PDE4D: variants seen among roughly 807,000 people sequenced by gnomAD.
PDE4D encodes the protein phosphodiesterase 4D.
PDE4D carries 24 observed loss-of-function variants against 87.4 expected under a neutral mutation model. The observed-to-expected ratio is 0.27, with a 90% confidence interval of 0.20 to 0.39. The LOEUF is 0.39. Ranked by LOEUF, PDE4D falls within the 10% of genes least tolerant of loss-of-function variation. PDE4D has a pLI of 1.00. For synonymous variants in PDE4D, 384 were observed against 383.2 expected (o/e 1.00, Z -0.02); for missense variants, 714 against 1,041.0 (o/e 0.69, Z 4.32).
chr5:59,033,789 G>A (rs1430806535), intron 6 of PDE4D, among the ~76,000 whole-genome samples: 2 of 151,920 alleles, frequency 1.3e-5, no homozygotes, highest in Non-Finnish European at 2.9e-5. Context: ...CTCTCAGACA[G>A]AAGTTACCAC....
In PDE4D at chr5:58,973,180, A is replaced by T. The variant is rs1162838332; in HGVS notation, c.*1484T>A. Reference sequence around the variant, plus strand: ...TTGTTAATATATTGTTAATATTCTTAAAAACTGCCTAGTTGGCTGTTTAAC... The same window carrying T: ...TTGTTAATATATTGTTAATATTCTTTAAAACTGCCTAGTTGGCTGTTTAAC... On this transcript the variant is annotated 3_prime_UTR_variant, in exon 15 of 15. Coordinates refer to ENST00000340635, the MANE Select transcript of PDE4D (RefSeq NM_001104631.2). The T allele has an allele frequency of 6.6e-6, 1 of 152,084 alleles. No homozygotes were observed. The highest frequency in any genetic ancestry group is 1.5e-5 in the Non-Finnish European group (1 of 68,038). The allele number at this position is 152,084 out of a possible 1,614,324, so 9.4% of individuals were successfully genotyped here. A position where few individuals can be genotyped will look rare whatever the true frequency, so the allele number is the denominator to read the frequency against.
intron 11 of PDE4D, among the ~76,000 whole-genome samples, chr5:58,984,504 A>G (rs1745961292): frequency 1.3e-5 from 2 of 152,252 alleles, no homozygotes; most frequent in Admixed American, 1.3e-4. Context: ...ACATTTGATA[A>G]ACATGAATTT....
intron 1 of PDE4D, among the ~76,000 whole-genome samples, chr5:59,488,187 AAT>A (rs1430214560): frequency 6.9e-6 from 1 of 144,220 alleles, no homozygotes; most frequent in African/African-American, 2.6e-5. Flanking sequence ...AAAAAAAAAA[AAT>A]GTGTAACTGT....
rs137916104 is a variant in PDE4D, at chr5:59,111,919, C to T, written c.808+68676G>A. ...TATCTGTATCAGTGAACAAAATAGGCGAAGATTGTTCCACATGGTAGTTTC... is the reference window on the plus strand; with the variant it reads ...TATCTGTATCAGTGAACAAAATAGGTGAAGATTGTTCCACATGGTAGTTTC... On this transcript the variant is annotated intron_variant, in intron 5 of 14. Coordinates refer to ENST00000340635, the MANE Select transcript of PDE4D (RefSeq NM_001104631.2). 7.9e-3 allele frequency among the ~76,000 whole-genome samples: 1,198 copies of T among 152,026 alleles called. 8 individuals are homozygous for T. Among genetic ancestry groups the T allele is most frequent in the Middle Eastern group, 0.024 (7 of 294 alleles).
intron 1 of PDE4D, among the ~76,000 whole-genome samples, chr5:59,426,389 A>G (rs553799439): frequency 2.6e-5 from 4 of 152,254 alleles, no homozygotes; most frequent in South Asian, 2.1e-4. Flanking sequence ...CTTCACTCAC[A>G]CTTACTGTAT....
At chr5:59,408,475 G>A (rs1792088901) in intron 1 of PDE4D, among the ~76,000 whole-genome samples, 1 of 152,218 alleles carries the variant, frequency 6.6e-6, no homozygotes, top group Middle Eastern at 3.2e-3. Flanking sequence ...AGGTAGTGCA[G>A]AAGGGAATAT....
intron 5 of PDE4D, among the ~76,000 whole-genome samples, chr5:59,139,527 G>A (rs532385222): frequency 1.3e-5 from 2 of 152,226 alleles, no homozygotes; most frequent in South Asian, 2.1e-4. Context: ...TCTCACTGTC[G>A]CCTAGGCTGG....
At chr5:59,053,411 TCTAGGGCATATTTA>T (rs1761844669) in intron 5 of PDE4D, among the ~76,000 whole-genome samples, 1 of 147,668 alleles carries the variant, frequency 6.8e-6, no homozygotes, top group Non-Finnish European at 1.5e-5. Flanking sequence ...ACACACAATC[TCTAGGGCATATTTA>T]CTAGATAGTA....
chr5:60,455,170 G>A (rs538922603), intron 1 of PDE4D, among the ~76,000 whole-genome samples: 2 of 152,108 alleles, frequency 1.3e-5, no homozygotes, highest in Non-Finnish European at 2.9e-5. Context: ...ACAGGTGTTA[G>A]TTTCTCTCCA....
chr5:59,265,319 A>G (rs1288370656), intron 1 of PDE4D, among the ~76,000 whole-genome samples: 1 of 151,936 alleles, frequency 6.6e-6, no homozygotes, highest in Non-Finnish European at 1.5e-5. Flanking sequence ...ACCACTTCTT[A>G]TTTTGCCACC....
intron 1 of PDE4D, among the ~76,000 whole-genome samples, chr5:59,408,533 G>A (rs1277322300): frequency 6.6e-6 from 1 of 152,220 alleles, no homozygotes; most frequent in Non-Finnish European, 1.5e-5. Context: ...GCATTGCCTA[G>A]TGGAACTGTG....
At chr5:59,698,873 T>C (rs1404685587) in intron 1 of PDE4D, among the ~76,000 whole-genome samples, 4 of 152,162 alleles carry the variant, frequency 2.6e-5, no homozygotes, top group Non-Finnish European at 5.9e-5. Context: ...CTAATCTCTG[T>C]GTCTCTGAAA....
intron 1 of PDE4D, among the ~76,000 whole-genome samples, chr5:59,731,729 T>C (rs1757384887): frequency 6.6e-6 from 1 of 152,166 alleles, no homozygotes; most frequent in South Asian, 2.1e-4. Context: ...AATTTAGGTT[T>C]TGTTGGAGTT....
At chr5:59,967,777 C>A (rs1760216056) in intron 3 of PDE4D, among the ~76,000 whole-genome samples, 1 of 152,044 alleles carries the variant, frequency 6.6e-6, no homozygotes, top group Non-Finnish European at 1.5e-5. Context: ...AATAATTCTA[C>A]TAAAAAGACA....
At chr5:59,983,402 T>C (rs1264260193) in intron 3 of PDE4D, among the ~76,000 whole-genome samples, 1 of 151,508 alleles carries the variant, frequency 6.6e-6, no homozygotes, top group Non-Finnish European at 1.5e-5. Context: ...TACCAACATA[T>C]TCAAAGTAAA....
At chr5:60,066,195 G>T (rs979458683) in intron 2 of PDE4D, among the ~76,000 whole-genome samples, 6 of 152,118 alleles carry the variant, frequency 3.9e-5, no homozygotes, top group African/African-American at 1.4e-4. Flanking sequence ...GTGATGATGA[G>T]CATTTTTTCA....
rs551621911 is a variant in PDE4D at position 59,326,453 on chromosome 5, T to C, written c.456-110485A>G. Among the ~76,000 whole-genome samples, 7 of 152,200 alleles carry C rather than the reference T, an allele frequency of 4.6e-5. No individual in the cohort carries two copies. The East Asian group carries it at 1.4e-3, about 29-fold the overall frequency. On this transcript the variant is annotated intron_variant, in intron 1 of 14. Coordinates refer to ENST00000340635, the MANE Select transcript of PDE4D (RefSeq NM_001104631.2). ...AGAGTAGCCCCCCCCAAGACACATA[T>C]AACTATTAAATACTTAAAATATGGC...
At chr5:59,680,821 C>A (rs1187262093) in intron 1 of PDE4D, among the ~76,000 whole-genome samples, 1 of 152,060 alleles carries the variant, frequency 6.6e-6, no homozygotes, top group East Asian at 1.9e-4. Context: ...CTCACCGTAA[C>A]TTCTCACAGA....
At chr5:59,388,971 C>T (rs1482072539) in intron 1 of PDE4D, among the ~76,000 whole-genome samples, 14 of 151,796 alleles carry the variant, frequency 9.2e-5, no homozygotes, top group Admixed American at 9.2e-4. Context: ...AGCTTTTACC[C>T]CCAAACCTTC....
Sources: gnomAD v4.1 joint callset for allele counts (sites outside exome capture counted in the v4.1 genomes callset) on GRCh38, gnomAD v4.1.1 for gene constraint, MANE v1.5 for transcripts, NCBI Gene and HGNC (gene_info 2026-07-23, HGNC 2026-07-21) for gene names.